Variants in MIDEAS observed in about 807,000 individuals in gnomAD.
MIDEAS encodes mitotic deacetylase-associated SANT domain protein.
A neutral mutation model predicts 102.7 loss-of-function variants in MIDEAS; 26 were observed. The observed-to-expected ratio is 0.25, with a 90% CI of 0.19 to 0.35. The LOEUF is 0.35. Among genes scored for constraint, MIDEAS ranks in the 10% least tolerant of loss-of-function variants. MIDEAS has a pLI of 1.00. For missense variants in MIDEAS, 1,231 were observed against 1,435.6 expected (o/e 0.86, Z 2.30); for synonymous variants, 585 against 591.0 (o/e 0.99, Z 0.15).
rs748708329 is a variant in MIDEAS, at chr14:73,739,025, G to C, written c.984C>G (p.Asp328Glu). Residue 328 changes from aspartate (D) to glutamate (E), a missense_variant, in exon 2 of 13, where the codon GAC (aspartate) becomes GAG (glutamate). This residue lies in a region of MIDEAS where 758 missense variants were observed against 856.0 expected (regional missense o/e 0.89). Coordinates refer to ENST00000423556, the MANE Select transcript of MIDEAS (RefSeq NM_001367710.1). ...NPELRKALLQ[D>E]SAPQPALPQV... Reference sequence around the variant, plus strand: ...GAGGTAGCGCTGGCTGCGGGGCTGAGTCCTGCAGAAGGGCCTTGCGCAGTT... The same window carrying C: ...GAGGTAGCGCTGGCTGCGGGGCTGACTCCTGCAGAAGGGCCTTGCGCAGTT... 88 of 1,546,140 alleles carry C rather than the reference G, an allele frequency of 5.7e-5. No homozygotes were observed. The highest frequency in any genetic ancestry group is 7.7e-5 in the Non-Finnish European group (88 of 1,144,794).
At chr14:73,767,395 G>A (rs2053601066) in intron 1 of MIDEAS, among the ~76,000 whole-genome samples, 1 of 152,174 alleles carries the variant, frequency 6.6e-6, no homozygotes. Context: ...AGCGCTTTGG[G>A]AGGCTAAGGC....
At position 73,751,244 on chromosome 14, in the gene MIDEAS, G is replaced by A. The variant is rs531131984; in HGVS notation, c.-248+8519C>T. On this transcript the variant is annotated intron_variant, in intron 1 of 12. Transcript: ENST00000423556. ...TGCCTAAGGTCACAGCAGTATAGAG[G>A]CAAAGCCAGGACTGGCACCTAGGCC... is the stretch of plus-strand genomic sequence containing the variant. 1.4e-4 allele frequency among the ~76,000 whole-genome samples: 22 copies of A among 152,332 alleles called. 1 individual carries two copies. Among genetic ancestry groups the A allele is most frequent in the Admixed American group, 1.4e-3 (22 of 15,302 alleles).
chr14:73,719,616 A>C (rs2052956026), intron 11 of MIDEAS, 115 bp from the exon 12 acceptor site: 1 of 1,021,294 alleles, frequency 9.8e-7, no homozygotes. Context: ...CCAAACAGTC[A>C]CCTAGCATGC....
At chr14:73,776,673 C>G (rs1297962095) in intron 1 of MIDEAS, among the ~76,000 whole-genome samples, 1 of 151,990 alleles carries the variant, frequency 6.6e-6, no homozygotes, top group Non-Finnish European at 1.5e-5. Context: ...ACCTGTCCAC[C>G]TGGCATATGC....
chr14:73,737,330 A>AAGGT (rs1489703782), intron 2 of MIDEAS, 33 bp from the exon 3 acceptor site: 1 of 1,589,360 alleles, frequency 6.3e-7, no homozygotes, highest in African/African-American at 1.3e-5. Flanking sequence ...TGCAATTTAA[A>AAGGT]AGGTAAGTCA....
intron 1 of MIDEAS, among the ~76,000 whole-genome samples, chr14:73,765,798 A>G (rs1394122029): frequency 6.6e-6 from 1 of 152,130 alleles, no homozygotes; most frequent in Non-Finnish European, 1.5e-5. Flanking sequence ...CAGCTCTTCC[A>G]GGAAGCGTTC....
chr14:73,738,942 G>C lies in MIDEAS; in HGVS notation c.1067C>G (p.Pro356Arg), dbSNP rs1208991084. The C allele has an allele frequency of 1.6e-5, 24 of 1,527,386 alleles. No individual in the cohort carries two copies. Among genetic ancestry groups the C allele is most frequent in the African/African-American group, 2.8e-5 (2 of 72,022 alleles). 94.6% of individuals were successfully genotyped at this position (1,527,386 alleles called of 1,614,324 possible). A position where few individuals can be genotyped will look rare whatever the true frequency, so the allele number is the denominator to read the frequency against. ...GCCAGCCCCATCCAGGGCGCTGGGA[G>C]GCAGGATACCCTCCTTAGAGAGGCG... ...SRRLSKEGILPPSALDGAGTQ... is the reference protein window; with the variant it reads ...SRRLSKEGILRPSALDGAGTQ... Residue 356 changes from proline (P) to arginine (R), a missense_variant, in exon 2 of 13, where the codon CCT becomes CGT. Physicochemically the swap from Pro to Arg is moderately radical, Grantham distance 103 (BLOSUM62 -2). Transcript: ENST00000423556.
chr14:73,724,849 C>T (rs1265789923), intron 9 of MIDEAS: 1 of 177,200 alleles, frequency 5.6e-6, no homozygotes, highest in African/African-American at 2.4e-5. Flanking sequence ...AACTCTGGGT[C>T]AAAGGAAGTG....
chr14:73,745,097 C>A (rs1298886306), intron 1 of MIDEAS, among the ~76,000 whole-genome samples: 1 of 152,218 alleles, frequency 6.6e-6, no homozygotes, highest in East Asian at 1.9e-4. Flanking sequence ...ACACAGCCCG[C>A]ATTCCTGCCC....
chr14:73,728,033 T>G (rs543652238), intron 4 of MIDEAS: 1 of 152,782 alleles, frequency 6.5e-6, no homozygotes, highest in East Asian at 1.9e-4. Flanking sequence ...TTTTTTTTGT[T>G]TTTGTTGTTG....
chr14:73,734,892 T>C (rs2140115818), intron 3 of MIDEAS, among the ~76,000 whole-genome samples: 1 of 152,286 alleles, frequency 6.6e-6, no homozygotes, highest in South Asian at 2.1e-4. Context: ...AGAATATAAC[T>C]AATAAATTAA....
rs1416132317 is a variant in MIDEAS, at chr14:73,726,043, A to G, written c.2475T>C (p.Tyr825=). 1.9e-6 allele frequency: 3 copies of G among 1,596,390 alleles called. No homozygotes were observed. Among genetic ancestry groups the G allele is most frequent in the Middle Eastern group, 1.7e-4 (1 of 6,056 alleles). ...LRPHNHPLAT[Y]HYTGSDQWKM... ...CGCAGCCAGGCCCACCTGTGTAGTG[A>G]TAAGTTGCCAGCGGATGGTTGTGGG... Residue 825 remains tyrosine, a synonymous_variant, in exon 8 of 13, where the codon TAT becomes TAC. Coordinates refer to ENST00000423556, the MANE Select transcript of MIDEAS (RefSeq NM_001367710.1).
At position 73,740,126 on chromosome 14, in the gene MIDEAS, C is replaced by A; in HGVS notation, c.-118G>T. ...GGAGCCAGGGAGGGCAGAGCAGGGG[C>A]AGAGGAAGACGCTGGACAGTGAGGT... On this transcript the variant is annotated 5_prime_UTR_variant, in exon 2 of 13. Transcript: ENST00000423556. 2.3e-6 allele frequency: 3 copies of A among 1,317,898 alleles called. No individual in the cohort carries two copies. The highest frequency in any genetic ancestry group is 3.0e-6 in the Non-Finnish European group (3 of 1,015,192). The allele number at this position is 1,317,898 out of a possible 1,614,324, so 81.6% of individuals were successfully genotyped here. A position where few individuals can be genotyped will look rare whatever the true frequency, so the allele number is the denominator to read the frequency against.
At position 73,772,587 on chromosome 14, in the gene MIDEAS, G is replaced by GC. The variant is rs2053651322; in HGVS notation, c.-248+14514_-248+14515insG. ...TGAGGCTGTTTACAGTTTTGGTTTT[G>GC]TTTTTTTTTCTTTTCTATTTTAAGC... On this transcript the variant is annotated intron_variant, in intron 1 of 11. Transcript: ENST00000394071. Among the ~76,000 whole-genome samples the GC allele has an allele frequency of 2.0e-5, 3 of 149,820 alleles. No individual in the cohort carries two copies. The South Asian group carries it at 6.3e-4, about 32-fold the overall frequency.
intron 1 of MIDEAS, among the ~76,000 whole-genome samples, chr14:73,771,677 G>T (rs77466763): frequency 1.3e-5 from 2 of 152,202 alleles, no homozygotes; most frequent in Non-Finnish European, 2.9e-5. Context: ...CTGCAGCTGC[G>T]CGTCCCAGCA....
rs1343963861 is a variant in MIDEAS at position 73,719,489 on chromosome 14, G to A, written c.2950C>T (p.Leu984Phe). 4 of 1,613,580 alleles carry A rather than the reference G, an allele frequency of 2.5e-6. No homozygotes were observed. The highest frequency in any genetic ancestry group is 3.4e-6 in the Non-Finnish European group (4 of 1,179,916). ...TTGGACTCGTGGCTCCGGAGGATGA[G>A]GATGTCACTGGCCTGAAGAAAATCA... is the stretch of plus-strand genomic sequence containing the variant. ...LQANESASDI[L>F]ILRSHESNAP... is the part of the protein sequence containing the mutation. Residue 984 changes from leucine (L) to phenylalanine (F), a missense_variant, in exon 12 of 13, where the codon CTC becomes TTC. By Grantham distance (22) the Leu-to-Phe change is conservative. Coordinates refer to ENST00000423556, the MANE Select transcript of MIDEAS (RefSeq NM_001367710.1).
At chr14:73,740,361 C>T (rs992713951) in intron 1 of MIDEAS, 106 bp from the exon 2 acceptor site, 16 of 398,492 alleles carry the variant, frequency 4.0e-5, no homozygotes, top group African/African-American at 2.7e-4. Context: ...GGTCCCACCA[C>T]CTCATATCAC....
At chr14:73,780,140 C>G (rs1229843653) in intron 1 of MIDEAS, among the ~76,000 whole-genome samples, 1 of 151,892 alleles carries the variant, frequency 6.6e-6, no homozygotes, top group Non-Finnish European at 1.5e-5. Context: ...TCCCAAAGTG[C>G]TGCGATTACA....
Position 73,726,229 on chromosome 14 carries a change from T to C in MIDEAS, c.2410-121A>G, listed in dbSNP as rs558133923. On this transcript the variant is annotated intron_variant, in intron 7 of 12. Coordinates refer to ENST00000423556, the MANE Select transcript of MIDEAS (RefSeq NM_001367710.1). ...CACTTACTCTTGCCCCCTTAACTGC[T>C]GAGAGATAAGGGGTCCACTGGGGTG... is the stretch of plus-strand genomic sequence containing the variant. The C allele has an allele frequency of 4.7e-6, 4 of 844,470 alleles. No individual in the cohort carries two copies. In the African/African-American group the frequency reaches 6.7e-5, roughly 14 times the overall value. 52.3% of individuals were successfully genotyped at this position (844,470 alleles called of 1,614,324 possible).
Sources: gnomAD v4.1 joint callset for allele counts (sites outside exome capture counted in the v4.1 genomes callset) on GRCh38, gnomAD v4.1.1 for gene constraint, gnomAD v4.1.1 regional missense constraint, MANE v1.5 for transcripts, NCBI Gene and HGNC (gene_info 2026-07-23, HGNC 2026-07-21) for gene names.